The following ALDH4A1 variants were observed in gnomAD, a reference collection of about 807,000 sequenced individuals.
ALDH4A1 encodes delta-1-pyrroline-5-carboxylate dehydrogenase, mitochondrial.
ALDH4A1 carries 46 observed loss-of-function variants against 70.5 expected under a neutral mutation model. The ratio of observed to expected loss-of-function variants is 0.65; its 90% CI spans 0.51 to 0.83. The LOEUF (loss-of-function observed/expected upper bound fraction) is 0.83. Among genes scored for constraint, ALDH4A1 ranks in the 40% least tolerant of loss-of-function variants. ALDH4A1 has a pLI of 0.00. For missense variants in ALDH4A1, 749 were observed against 766.5 expected (o/e 0.98, Z 0.27); for synonymous variants, 323 against 324.3 (o/e 1.00, Z 0.04).
At chr1:18,885,682 G>C (rs1935173107) in intron 4 of ALDH4A1, 54 bp from the exon 5 acceptor site, 5 of 1,611,114 alleles carry the variant, frequency 3.1e-6, no homozygotes, top group Non-Finnish European at 4.2e-6. Flanking sequence ...AAAGGCCCTG[G>C]GGAGTGAGCG....
At position 18,877,660 on chromosome 1, in the gene ALDH4A1, G is replaced by A. The variant is rs6426813; in HGVS notation, c.941-48C>T. 0.73 allele frequency: 1,016,693 copies of A among 1,384,948 alleles called. 376,492 individuals carry two copies. The highest frequency in any genetic ancestry group is 0.96 in the East Asian group (41,614 of 43,570). The allele number at this position is 1,384,948 out of a possible 1,614,324, so 85.8% of individuals were successfully genotyped here. A position where few individuals can be genotyped will look rare whatever the true frequency, so the allele number is the denominator to read the frequency against. On this transcript the variant is annotated intron_variant, in intron 9 of 14. Transcript: ENST00000375341. ...AATGACCAGAGGAGCTGGCTCCCCC[G>A]GTTGCCCAGGGGCCCAAAACACCAC...
At position 18,898,070 on chromosome 1, in the gene ALDH4A1, C is replaced by T. The variant is rs1273148376; in HGVS notation, c.62+4392G>A. 1.3e-5 allele frequency among the ~76,000 whole-genome samples: 2 copies of T among 151,948 alleles called. No homozygotes were observed. The highest frequency in any genetic ancestry group is 2.9e-5 in the Non-Finnish European group (2 of 67,990). Reference sequence around the variant, plus strand: ...GTGGCTCACGCCTATAATCCCAGCACTTTGGGAGGCTGAGGCAGGAGGATC... The same window carrying T: ...GTGGCTCACGCCTATAATCCCAGCATTTTGGGAGGCTGAGGCAGGAGGATC... On this transcript the variant is annotated intron_variant, in intron 1 of 14. Coordinates refer to ENST00000375341, the MANE Select transcript of ALDH4A1 (RefSeq NM_003748.4). This position sits in a 1 kb window ranked among gnomAD's most constrained non-coding sequence, Gnocchi z 4.3.
rs774355898 is a variant in ALDH4A1, at chr1:18,872,915, C to G, written c.1622G>C (p.Trp541Ser). ...KPGGPHYILR[W>S]TSPQVIKETH... Reference sequence around the variant, plus strand: ...CTCCTTGATGACCTGCGGCGACGTCCAGCGCAGGATGTAGTGTGGGCCCCC... The same window carrying G: ...CTCCTTGATGACCTGCGGCGACGTCGAGCGCAGGATGTAGTGTGGGCCCCC... Residue 541 changes from tryptophan (W) to serine (S), a missense_variant, in exon 15 of 15, where the codon TGG becomes TCG. Transcript: ENST00000375341. 6.2e-6 allele frequency: 10 copies of G among 1,614,002 alleles called. No individual in the cohort carries two copies. In the South Asian group the frequency reaches 1.1e-4, roughly 18 times the overall value.
rs1380629710 is a variant in ALDH4A1, at chr1:18,883,421, G to GAGC, written c.460_461insGCT (p.Thr154delinsSerSer). On this transcript the variant is annotated protein_altering_variant, in exon 6 of 15. Coordinates refer to ENST00000375341, the MANE Select transcript of ALDH4A1 (RefSeq NM_003748.4). Reference sequence around the variant, plus strand: ...AGCGTCAATCTCCGCTTGGATCACGGTCTTACCCTGCAAGGCAGAGGGCCG... The same window carrying GAGC: ...AGCGTCAATCTCCGCTTGGATCACGGAGCTCTTACCCTGCAAGGCAGAGGGCCG... 6.2e-7 allele frequency: 1 copy of GAGC among 1,613,242 alleles called. No individual in the cohort carries two copies. The highest frequency in any genetic ancestry group is 8.5e-7 in the Non-Finnish European group (1 of 1,180,042).
In ALDH4A1 at chr1:18,875,453, G is replaced by A. The variant is rs188059848; in HGVS notation, c.1389C>T (p.Tyr463=). Residue 463 remains tyrosine (Y), a synonymous_variant, in exon 13 of 15, where the codon TAC becomes TAT. Coordinates refer to ENST00000375341, the MANE Select transcript of ALDH4A1 (RefSeq NM_003748.4). ...TGTCAACCAGCTGCAGCGTCTCCTT[G>A]TACTTGTCATCCGGGTAGACGTACA... ...LSVYVYPDDK[Y]KETLQLVDST... 1.2e-6 allele frequency: 2 copies of A among 1,614,126 alleles called. No individual in the cohort carries two copies. Among genetic ancestry groups the A allele is most frequent in the Admixed American group, 3.3e-5 (2 of 60,028 alleles).
At position 18,889,342 on chromosome 1, in the gene ALDH4A1, T is replaced by C. The variant is rs1306507734; in HGVS notation, c.249+20A>G. 1.7e-5 allele frequency: 26 copies of C among 1,548,190 alleles called. No individual in the cohort carries two copies. Among genetic ancestry groups the C allele is most frequent in the Non-Finnish European group, 2.3e-5 (26 of 1,143,908 alleles). On this transcript the variant is annotated intron_variant, in intron 3 of 14. Coordinates refer to ENST00000375341, the MANE Select transcript of ALDH4A1 (RefSeq NM_003748.4). ...CATATTCAGGGGAGGGGCTGAGCTCTGCCCACCCGCTGGACATACCGACAC... is the reference window on the plus strand; with the variant it reads ...CATATTCAGGGGAGGGGCTGAGCTCCGCCCACCCGCTGGACATACCGACAC...
At position 18,875,348 on chromosome 1, in the gene ALDH4A1, A is replaced by G. The variant is rs71645424; in HGVS notation, c.1460+34T>C. On this transcript the variant is annotated intron_variant, in intron 13 of 14. Transcript: ENST00000375341. ...ATGGGGACACGGACAGGACACCCGG[A>G]GCACAGCACCAGGGCTGCGGCCTGG... 7,215 of 1,613,772 alleles carry G rather than the reference A, an allele frequency of 4.5e-3. 40 individuals are homozygous for G. Among genetic ancestry groups the G allele is most frequent in the East Asian group, 0.035 (1,577 of 44,884 alleles).
At chr1:18,882,013 T>G (rs1160607927) in intron 7 of ALDH4A1, 126 bp from the exon 8 acceptor site, 1 of 957,380 alleles carries the variant, frequency 1.0e-6, no homozygotes, top group Non-Finnish European at 1.6e-6. Flanking sequence ...AACCAGGACA[T>G]CCCCTACCCG....
At chr1:18,882,261 G>A (rs1003299595) in intron 7 of ALDH4A1, among the ~76,000 whole-genome samples, 4 of 152,206 alleles carry the variant, frequency 2.6e-5, no homozygotes, top group African/African-American at 9.6e-5. Context: ...GGTCAGGCAT[G>A]TGCAGCAGCC....
intron 2 of ALDH4A1, 149 bp from the exon 3 acceptor site, chr1:18,889,603 G>A (rs971992779): frequency 1.3e-4 from 95 of 717,616 alleles, no homozygotes; most frequent in African/African-American, 1.3e-3. Flanking sequence ...CAGAGAACAT[G>A]TGCTGCCCTC....
intron 13 of ALDH4A1, 144 bp from the exon 14 acceptor site, chr1:18,874,725 G>A (rs1257411247): frequency 1.2e-6 from 1 of 821,224 alleles, no homozygotes; most frequent in Non-Finnish European, 2.0e-6. Context: ...GCTGCCAGCT[G>A]TTGGCTGTGG....
intron 1 of ALDH4A1, chr1:18,897,023 T>A (rs375394979): frequency 5.7e-6 from 3 of 529,274 alleles, no homozygotes; most frequent in Non-Finnish European, 1.2e-5. Context: ...TGAGACAGGA[T>A]CATCTCACTG....
At chr1:18,897,842 C>A (rs952122948) in intron 1 of ALDH4A1, among the ~76,000 whole-genome samples, 3 of 152,190 alleles carry the variant, frequency 2.0e-5, no homozygotes, top group Admixed American at 2.0e-4. Context: ...GGAAAGCCGC[C>A]GCCCCAAGGT....
intron 14 of ALDH4A1, 66 bp from the exon 15 acceptor site, chr1:18,873,023 G>A: frequency 7.4e-7 from 1 of 1,359,710 alleles, no homozygotes; most frequent in East Asian, 2.3e-5. Context: ...GGGGAAGGGA[G>A]GAGATGATGG....
At chr1:18,873,139 G>A (rs2100547495) in intron 14 of ALDH4A1, among the ~76,000 whole-genome samples, 182 bp from the exon 15 acceptor site, 1 of 152,292 alleles carries the variant, frequency 6.6e-6, no homozygotes, top group African/African-American at 2.4e-5. Context: ...CCAGTCTCCA[G>A]TCTGTGGGGA....
At chr1:18,877,651 G>A (rs1437497136) in intron 9 of ALDH4A1, 39 bp from the exon 10 acceptor site, 1 of 1,388,904 alleles carries the variant, frequency 7.2e-7, no homozygotes. Context: ...CAGAGGAGCT[G>A]GCTCCCCCGG....
chr1:18,872,994 T>C (rs746003353), intron 14 of ALDH4A1, 37 bp from the exon 15 acceptor site: 1 of 1,543,372 alleles, frequency 6.5e-7, no homozygotes, highest in South Asian at 1.1e-5. Flanking sequence ...TCTGAAAAGA[T>C]GCAACAGCCT....
intron 1 of ALDH4A1, among the ~76,000 whole-genome samples, chr1:18,891,240 T>C (rs1367320827): frequency 6.6e-6 from 1 of 152,118 alleles, no homozygotes; most frequent in Non-Finnish European, 1.5e-5. Flanking sequence ...GATGACAAAG[T>C]CAACTAATGC....
In ALDH4A1 at chr1:18,885,465, C is replaced by T. The variant is rs1050941987; in HGVS notation, c.453+8G>A. ...CGCCCCACCCACCCGGGCCCACCAG[C>T]ACCTCACCTGTCCCACCATGGTCTT... On this transcript the variant is annotated splice_region_variant and intron_variant, in intron 5 of 14. Coordinates refer to ENST00000375341, the MANE Select transcript of ALDH4A1 (RefSeq NM_003748.4). The T allele has an allele frequency of 1.4e-5, 22 of 1,532,584 alleles. No individual in the cohort carries two copies. The highest frequency in any genetic ancestry group is 1.9e-5 in the Non-Finnish European group (22 of 1,142,010). The allele number at this position is 1,532,584 out of a possible 1,614,324, so 94.9% of individuals were successfully genotyped here.
Sources: allele counts gnomAD v4.1 joint callset (sites outside exome capture counted in the v4.1 genomes callset), GRCh38; gene constraint gnomAD v4.1.1; non-coding constraint Gnocchi (gnomAD v3.1); transcripts MANE v1.5; gene names NCBI Gene and HGNC (gene_info 2026-07-23, HGNC 2026-07-21).